The following SCN8A variants were observed in gnomAD, a reference collection of about 807,000 sequenced individuals.
SCN8A encodes the protein sodium voltage-gated channel alpha subunit 8, also known as sodium channel protein type 8 subunit alpha.
SCN8A carries 30 observed loss-of-function variants against 184.1 expected under a neutral mutation model. The observed-to-expected ratio is 0.16, with a 90% CI of 0.12 to 0.22. SCN8A has a LOEUF of 0.22. SCN8A is among the 10% of genes least tolerant of loss of function. The pLI, the probability that SCN8A is intolerant of heterozygous loss-of-function variation, is 1.00. For missense variants in SCN8A, 1,057 were observed against 2,498.9 expected, an observed-to-expected ratio of 0.42 and a Z score of 12.30; for synonymous variants, 852 against 907.0, an observed-to-expected ratio of 0.94 and a Z score of 1.09.
rs1232104463 is a variant in SCN8A, at chr12:51,807,133, T to C, written c.5647T>C (p.Tyr1883His). ...FVASNPSKVS[Y>H]EPITTTLRRK... ...GGCATCCAATCCTTCCAAAGTGTCT[T>C]ACGAGCCAATCACAACCACACTGCG... The change falls in exon 27 of 27, where the codon TAC becomes CAC. Residue 1883 changes from tyrosine to histidine, a missense_variant. Tyr to His is a moderately conservative substitution (Grantham distance 83). Coordinates refer to ENST00000627620, the MANE Select transcript of SCN8A (RefSeq NM_001330260.2). The surrounding 1 kb of genome is among the most constrained non-coding windows in gnomAD (Gnocchi z 4.5). 2.5e-6 allele frequency: 4 copies of C among 1,613,808 alleles called. No individual in the cohort carries two copies. Among genetic ancestry groups the C allele is most frequent in the Non-Finnish European group, 3.4e-6 (4 of 1,179,844 alleles).
chr12:51,647,266 T>G (rs1439913830), intron 1 of SCN8A, among the ~76,000 whole-genome samples: 2 of 152,186 alleles, frequency 1.3e-5, no homozygotes, highest in African/African-American at 4.8e-5. Flanking sequence ...TAATCATACA[T>G]TTATATCCAC....
chr12:51,738,979 G>A (rs183856756), intron 12 of SCN8A, among the ~76,000 whole-genome samples: 26 of 152,302 alleles, frequency 1.7e-4, no homozygotes, highest in African/African-American at 6.0e-4. Flanking sequence ...AATGGGGCCC[G>A]GGACAGGCCC....
chr12:51,705,276 C>G (rs888526191), intron 9 of SCN8A, 141 bp from the exon 10 acceptor site: 2 of 674,226 alleles, frequency 3.0e-6, no homozygotes, highest in African/African-American at 3.6e-5. Flanking sequence ...CAAGTGCCCA[C>G]AATAGGAAGG....
At chr12:51,693,523 G>A (rs1941545281) in intron 6 of SCN8A, among the ~76,000 whole-genome samples, 1 of 152,200 alleles carries the variant, frequency 6.6e-6, no homozygotes, top group Admixed American at 6.5e-5. Flanking sequence ...TATAGTCCCA[G>A]CTAATCAGGA....
chr12:51,611,318 C>T (rs1357511771), intron 1 of SCN8A, among the ~76,000 whole-genome samples: 4 of 151,604 alleles, frequency 2.6e-5, no homozygotes, highest in East Asian at 1.9e-4. Flanking sequence ...CCCGCCACCA[C>T]GCCTGGCTAA....
intron 6 of SCN8A, among the ~76,000 whole-genome samples, chr12:51,695,997 A>G (rs1362684936): frequency 6.6e-6 from 1 of 152,230 alleles, no homozygotes; most frequent in Non-Finnish European, 1.5e-5. Flanking sequence ...CAGCCCAGGA[A>G]AATCAGATTC....
intron 22 of SCN8A, among the ~76,000 whole-genome samples, chr12:51,787,127 G>A (rs1013607221): frequency 2.6e-5 from 4 of 152,024 alleles, no homozygotes; most frequent in African/African-American, 4.8e-5. Flanking sequence ...TTCCCTTCCC[G>A]GTCAGAGAGT....
intron 8 of SCN8A, among the ~76,000 whole-genome samples, chr12:51,702,438 T>G (rs1284141763): frequency 6.6e-6 from 1 of 152,114 alleles, no homozygotes; most frequent in Non-Finnish European, 1.5e-5. Context: ...CTTCTCACAC[T>G]TTGGCATGCA....
chr12:51,682,650 A>G (rs1941354744), intron 2 of SCN8A, among the ~76,000 whole-genome samples: 1 of 152,316 alleles, frequency 6.6e-6, no homozygotes, highest in South Asian at 2.1e-4. Context: ...TAAAAAAATT[A>G]TGATCATGCA....
At chr12:51,677,761 G>A (rs924889114) in intron 2 of SCN8A, among the ~76,000 whole-genome samples, 3 of 152,180 alleles carry the variant, frequency 2.0e-5, no homozygotes, top group African/African-American at 4.8e-5. Context: ...GCCATAACTC[G>A]TTAAGAACTG....
At chr12:51,770,434 G>A (rs1231396789) in intron 18 of SCN8A, 95 bp from the exon 19 acceptor site, 1 of 1,340,108 alleles carries the variant, frequency 7.5e-7, no homozygotes, top group Non-Finnish European at 1.0e-6. Context: ...CTGTGTGGTG[G>A]GGCAGCACCT....
chr12:51,738,990 C>A (rs1942374355), intron 12 of SCN8A, among the ~76,000 whole-genome samples: 1 of 152,202 alleles, frequency 6.6e-6, no homozygotes, highest in Non-Finnish European at 1.5e-5. Flanking sequence ...GGACAGGCCC[C>A]TCATGGTGTT....
rs1361364140 is a variant in SCN8A, at chr12:51,684,303, C to T, written c.395+11C>T. Reference sequence around the variant, plus strand: ...AATTTTGATACATTCATATCCTTTTCGGCAAATGTGGAGTGAGTGCGGCAA... The same window carrying T: ...AATTTTGATACATTCATATCCTTTTTGGCAAATGTGGAGTGAGTGCGGCAA... On this transcript the variant is annotated intron_variant, in intron 3 of 26. Transcript: ENST00000627620. The T allele has an allele frequency of 7.7e-6, 10 of 1,297,228 alleles. No homozygotes were observed. Among genetic ancestry groups the T allele is most frequent in the African/African-American group, 2.9e-5 (2 of 68,646 alleles). The allele number at this position is 1,297,228 out of a possible 1,614,324, so 80.4% of individuals were successfully genotyped here.
Position 51,612,808 on chromosome 12 carries a change from G to A in SCN8A, c.-55+21449G>A, listed in dbSNP as rs191616598. ...ACGATCTCAGCTCACTGCAACCTCCGCCTTCTGGGTTCAAGTGATTCTCCT... is the reference window on the plus strand; with the variant it reads ...ACGATCTCAGCTCACTGCAACCTCCACCTTCTGGGTTCAAGTGATTCTCCT... On this transcript the variant is annotated intron_variant, in intron 1 of 26. Coordinates refer to ENST00000627620, the MANE Select transcript of SCN8A (RefSeq NM_001330260.2). 5.3e-5 allele frequency among the ~76,000 whole-genome samples: 8 copies of A among 152,072 alleles called. No homozygotes were observed. The East Asian group carries it at 5.8e-4, about 11-fold the overall frequency.
chr12:51,693,787 T>G (rs1941549673), intron 6 of SCN8A, among the ~76,000 whole-genome samples: 1 of 152,214 alleles, frequency 6.6e-6, no homozygotes, highest in Non-Finnish European at 1.5e-5. Flanking sequence ...TTCCCTGGGT[T>G]GAGAACTGCT....
chr12:51,734,397 T>C (rs1169812932), intron 12 of SCN8A, among the ~76,000 whole-genome samples: 2 of 152,224 alleles, frequency 1.3e-5, no homozygotes, highest in Non-Finnish European at 2.9e-5. Context: ...AGATATTGAA[T>C]TAACTAAAAG....
chr12:51,677,664 A>C (rs1425971307), intron 2 of SCN8A, among the ~76,000 whole-genome samples: 1 of 152,180 alleles, frequency 6.6e-6, no homozygotes, highest in Non-Finnish European at 1.5e-5. Flanking sequence ...GTGTGCTCCA[A>C]GCCCCACATT....
At chr12:51,716,716 T>TTC (rs1172477266) in intron 11 of SCN8A, among the ~76,000 whole-genome samples, 1 of 152,202 alleles carries the variant, frequency 6.6e-6, no homozygotes, top group Non-Finnish European at 1.5e-5. Context: ...CTGGCCATAT[T>TTC]TCTCCGCAGT....
intron 2 of SCN8A, among the ~76,000 whole-genome samples, chr12:51,679,721 C>CTTTTTTTTTTTTTTTTTT (rs34564079): frequency 3.5e-5 from 3 of 85,482 alleles, no homozygotes; most frequent in Non-Finnish European, 4.6e-5. Flanking sequence ...ACTATCTTGC[C>CTTTTTTTTTTTTTTTTTT]TTTTTTTTTT....
Sources: gnomAD v4.1 joint callset for allele counts (sites outside exome capture counted in the v4.1 genomes callset) on GRCh38, gnomAD v4.1.1 for gene constraint, Gnocchi (gnomAD v3.1) non-coding constraint, MANE v1.5 for transcripts, NCBI Gene and HGNC (gene_info 2026-07-23, HGNC 2026-07-21) for gene names.